PPM1D: variants seen among roughly 807,000 people sequenced by gnomAD.
PPM1D encodes protein phosphatase, Mg2+/Mn2+ dependent 1D, also known as protein phosphatase 1D.
PPM1D carries 52 observed loss-of-function variants against 58.3 expected under a neutral mutation model. The observed-to-expected ratio is 0.89, with a 90% CI of 0.71 to 1.12. The LOEUF (loss-of-function observed/expected upper bound fraction) is 1.12, where lower values mean the gene tolerates loss of function less well. Among genes scored for constraint, PPM1D ranks in the 50% most tolerant of loss-of-function variants. The pLI, the probability that PPM1D is intolerant of heterozygous loss-of-function variation, is 0.00. For missense variants in PPM1D, 564 were observed against 777.2 expected, an observed-to-expected ratio of 0.73 and a Z score of 3.26; for synonymous variants, 278 against 285.1, an observed-to-expected ratio of 0.98 and a Z score of 0.25.
At chr17:60,660,659 G>T (rs1204962840) in intron 5 of PPM1D, among the ~76,000 whole-genome samples, 4 of 151,766 alleles carry the variant, frequency 2.6e-5, no homozygotes, top group African/African-American at 9.7e-5. Context: ...TACTCGGGAG[G>T]GTGAGGTGGG....
rs1157592535 is a variant in PPM1D at position 60,663,792 on chromosome 17, GTCTCTGAA to G, written c.*242_*249del. On this transcript the variant is annotated 3_prime_UTR_variant, in exon 6 of 6. Coordinates refer to ENST00000305921, the MANE Select transcript of PPM1D (RefSeq NM_003620.4). ...GTAAATTTGTATCCACACAAATTCAGTCTCTGAATACACAGTATTCAGAGTCTCTGATA... is the reference window on the plus strand; with the variant it reads ...GTAAATTTGTATCCACACAAATTCAGTACACAGTATTCAGAGTCTCTGATA... The G allele has an allele frequency of 2.5e-5, 12 of 472,104 alleles. No homozygotes were observed. Among genetic ancestry groups the G allele is most frequent in the Non-Finnish European group, 4.2e-5 (11 of 261,950 alleles). The allele number at this position is 472,104 out of a possible 1,614,324, so 29.2% of individuals were successfully genotyped here.
chr17:60,624,584 C>T (rs1002974485), intron 2 of PPM1D, among the ~76,000 whole-genome samples: 9 of 151,840 alleles, frequency 5.9e-5, no homozygotes, highest in Non-Finnish European at 4.4e-5. Flanking sequence ...GTCGGGAGTT[C>T]GAGACCAGCC....
intron 4 of PPM1D, among the ~76,000 whole-genome samples, chr17:60,649,052 C>T (rs2031298254): frequency 6.6e-6 from 1 of 151,966 alleles, no homozygotes; most frequent in South Asian, 2.1e-4. Context: ...AGCCACCGCA[C>T]CCGGCCTCCA....
chr17:60,625,167 T>C (rs977516652), intron 2 of PPM1D, among the ~76,000 whole-genome samples: 1 of 151,492 alleles, frequency 6.6e-6, no homozygotes, highest in African/African-American at 2.4e-5. Flanking sequence ...TAAAATAAAA[T>C]AAAGTACTAA....
At chr17:60,657,992 C>T (rs953170579) in intron 5 of PPM1D, among the ~76,000 whole-genome samples, 1 of 152,164 alleles carries the variant, frequency 6.6e-6, no homozygotes, top group East Asian at 1.9e-4. Context: ...CCACCCGCAT[C>T]GGCCTCCCAA....
rs186902005 is a variant in PPM1D at position 60,663,694 on chromosome 17, C to T, written c.*142C>T. 45 of 865,768 alleles carry T rather than the reference C, an allele frequency of 5.2e-5. No homozygotes were observed. In the East Asian group the frequency reaches 1.1e-3, roughly 21 times the overall value. The allele number at this position is 865,768 out of a possible 1,614,324, so 53.6% of individuals were successfully genotyped here. Reference sequence around the variant, plus strand: ...CTTTTTGGAATTCAGCAGTTTTATCCTGGCCTTGTACTTGCTTGTATTGTA... The same window carrying T: ...CTTTTTGGAATTCAGCAGTTTTATCTTGGCCTTGTACTTGCTTGTATTGTA... On this transcript the variant is annotated 3_prime_UTR_variant, in exon 6 of 6. Transcript: ENST00000305921.
rs770298140 is a variant in PPM1D, at chr17:60,623,505, T to G, written c.473-16T>G. 1.9e-6 allele frequency: 3 copies of G among 1,593,864 alleles called. No homozygotes were observed. The South Asian group carries it at 3.4e-5, about 18-fold the overall frequency. On this transcript the variant is annotated splice_polypyrimidine_tract_variant and intron_variant, in intron 1 of 5. Transcript: ENST00000305921. ...TTTATACTTGCAAGAGTGAAATATT[T>G]TATTTCTTATTACAGCGGAATGGCC...
intron 3 of PPM1D, among the ~76,000 whole-genome samples, chr17:60,644,101 A>G (rs1598409756): frequency 6.6e-6 from 1 of 151,682 alleles, no homozygotes; most frequent in Admixed American, 6.6e-5. Flanking sequence ...CTGGTCTCCA[A>G]CTGTTGACCT....
At chr17:60,609,070 A>G (rs952056443) in intron 1 of PPM1D, among the ~76,000 whole-genome samples, 3 of 150,904 alleles carry the variant, frequency 2.0e-5, no homozygotes, top group Non-Finnish European at 3.0e-5. Context: ...TCTTTAACCA[A>G]TATACAGTAC....
rs181246247 is a variant in PPM1D, at chr17:60,661,234, A to G, written c.1261-1761A>G. Among the ~76,000 whole-genome samples the G allele has an allele frequency of 3.3e-3, 504 of 151,962 alleles. 5 individuals are homozygous for G. The Middle Eastern group carries it at 0.034, about 10-fold the overall frequency. Reference sequence around the variant, plus strand: ...AACTCCATCTCAAAAAAAAAAAAAAAAAAAAAGGAAAGGTGTTTATTTATA... The same window carrying G: ...AACTCCATCTCAAAAAAAAAAAAAAGAAAAAAGGAAAGGTGTTTATTTATA... On this transcript the variant is annotated intron_variant, in intron 5 of 5. Coordinates refer to ENST00000305921, the MANE Select transcript of PPM1D (RefSeq NM_003620.4).
At chr17:60,642,092 C>A (rs1346599200) in intron 3 of PPM1D, among the ~76,000 whole-genome samples, 1 of 152,162 alleles carries the variant, frequency 6.6e-6, no homozygotes, top group Non-Finnish European at 1.5e-5. Context: ...GTTAAAGGCC[C>A]AATTCTGATC....
At chr17:60,633,817 T>C in intron 2 of PPM1D, 36 bp from the exon 3 acceptor site, 2 of 1,545,734 alleles carry the variant, frequency 1.3e-6, no homozygotes, top group Non-Finnish European at 1.8e-6. Context: ...TGTATTTTAA[T>C]CATTTAGATT....
At chr17:60,658,043 A>C (rs570929476) in intron 5 of PPM1D, among the ~76,000 whole-genome samples, 1 of 152,358 alleles carries the variant, frequency 6.6e-6, no homozygotes, top group Admixed American at 6.5e-5. Context: ...AAGTATTTTC[A>C]TTCACAAAAG....
chr17:60,656,606 A>G lies in PPM1D; in HGVS notation c.1025A>G (p.His342Arg), dbSNP rs774231682. The G allele has an allele frequency of 2.5e-6, 4 of 1,614,160 alleles. No individual in the cohort carries two copies. Among genetic ancestry groups the G allele is most frequent in the Non-Finnish European group, 2.5e-6 (3 of 1,179,972 alleles). Reference protein sequence around the residue: ...QEEKKYLMGEHGQSCAKMLVN... With the variant: ...QEEKKYLMGERGQSCAKMLVN... ...TTGTTCTTTTGAATACAGGGTGAGCATGGACAATCTTGTGCCAAAATGCTT... is the reference window on the plus strand; with the variant it reads ...TTGTTCTTTTGAATACAGGGTGAGCGTGGACAATCTTGTGCCAAAATGCTT... The change falls in exon 5 of 6, where the codon CAT (histidine) becomes CGT (arginine). Residue 342 changes from histidine (H) to arginine (R), a missense_variant. Physicochemically the swap from His to Arg is conservative, Grantham distance 29. Around this residue, in one of 7 missense-constraint regions of PPM1D, gnomAD observed 34 missense variants for 34.3 expected, o/e 0.99. Transcript: ENST00000305921.
chr17:60,623,492 A>G, intron 1 of PPM1D, 29 bp from the exon 2 acceptor site: 1 of 1,581,556 alleles, frequency 6.3e-7, no homozygotes, highest in Non-Finnish European at 8.6e-7. Flanking sequence ...TATACTTGCA[A>G]GAGTGAAATA....
rs765469563 is a variant in PPM1D at position 60,610,080 on chromosome 17, T to G, written c.472+9194T>G. Reference sequence around the variant, plus strand: ...CTGTAGTCGCAGCTACTCAGGCGGCTGAGGCAGGGGAATTGCTTGAACCTG... The same window carrying G: ...CTGTAGTCGCAGCTACTCAGGCGGCGGAGGCAGGGGAATTGCTTGAACCTG... On this transcript the variant is annotated intron_variant, in intron 1 of 5. Coordinates refer to ENST00000305921, the MANE Select transcript of PPM1D (RefSeq NM_003620.4). Among the ~76,000 whole-genome samples the G allele has an allele frequency of 1.5e-3, 221 of 149,754 alleles. 1 individual carries two copies. The highest frequency in any genetic ancestry group is 2.3e-3 in the Non-Finnish European group (158 of 67,814).
chr17:60,620,392 TA>T (rs1333900646), intron 1 of PPM1D, among the ~76,000 whole-genome samples: 1 of 152,242 alleles, frequency 6.6e-6, no homozygotes, highest in Non-Finnish European at 1.5e-5. Context: ...TCTTACCACA[TA>T]GTGTAAAGTT....
intron 3 of PPM1D, among the ~76,000 whole-genome samples, chr17:60,646,406 CT>C (rs2031251522): frequency 6.6e-6 from 1 of 152,106 alleles, no homozygotes; most frequent in African/African-American, 2.4e-5. Context: ...AAGGACAAAG[CT>C]TCCTCTTGTT....
chr17:60,633,578 CT>C (rs909700750), intron 2 of PPM1D, among the ~76,000 whole-genome samples: 3 of 150,642 alleles, frequency 2.0e-5, no homozygotes. Context: ...GGTAGTGTTG[CT>C]TTTTTTTTGA....
Sources: allele counts gnomAD v4.1 joint callset (sites outside exome capture counted in the v4.1 genomes callset), GRCh38; gene constraint gnomAD v4.1.1; regional missense constraint gnomAD v4.1.1; transcripts MANE v1.5; gene names NCBI Gene and HGNC (gene_info 2026-07-23, HGNC 2026-07-21).